The following HOXB3 variants were observed in gnomAD, a reference collection of about 807,000 sequenced individuals.
The protein encoded by HOXB3 is homeobox protein Hox-B3.
A neutral mutation model predicts 29.2 loss-of-function variants in HOXB3; 17 were observed. The observed-to-expected ratio is 0.58, with a 90% confidence interval of 0.40 to 0.87. HOXB3 has a LOEUF of 0.87. HOXB3 is among the 40% of genes least tolerant of loss of function. The pLI is 0.00. For missense variants in HOXB3, 637 were observed against 616.3 expected (o/e 1.03, Z -0.35); for synonymous variants, 317 against 285.9 (o/e 1.11, Z -1.10).
intron 2 of HOXB3, among the ~76,000 whole-genome samples, chr17:48,559,198 A>G (rs4793580): frequency 0.78 from 118,520 of 151,946 alleles, 46,868 homozygotes; most frequent in Non-Finnish European, 0.85. Context: ...ACCCTCTGGA[A>G]CAATCAAGGG....
rs563175314 is a variant in HOXB3, at chr17:48,571,146, G to T, written c.-247+2691C>A. On this transcript the variant is annotated intron_variant, in intron 2 of 4. Transcript: ENST00000498678. ...ATAAACAAGCGCCTGATCGCGAGCC[G>T]AGCACTTTCTTGCTGCCGATAAAGC... Among the ~76,000 whole-genome samples the T allele has an allele frequency of 2.0e-5, 3 of 152,324 alleles. No homozygotes were observed. The East Asian group carries it at 5.8e-4, about 29-fold the overall frequency.
intron 2 of HOXB3, chr17:48,559,949 T>C (rs771945499): frequency 7.2e-5 from 11 of 152,294 alleles, no homozygotes; most frequent in Non-Finnish European, 1.5e-4. Context: ...AACATGCTAA[T>C]GAGGGGATGG....
At chr17:48,551,219 G>C in intron 4 of HOXB3, 38 bp from the exon 5 acceptor site, 1 of 1,274,160 alleles carries the variant, frequency 7.8e-7, no homozygotes, top group Non-Finnish European at 9.9e-7. Context: ...GGGAGAAAAT[G>C]AAATAAAAGA....
chr17:48,574,145 GA>G (rs2069679051), intron 1 of HOXB3, 131 bp from the exon 2 acceptor site: 1 of 419,642 alleles, frequency 2.4e-6, no homozygotes, highest in African/African-American at 2.1e-5. Context: ...AAGCTCCATA[GA>G]AATCTTTTTT....
intron 1 of HOXB3, chr17:48,578,181 T>G: frequency 5.0e-6 from 8 of 1,611,944 alleles, no homozygotes; most frequent in Non-Finnish European, 6.8e-6. Flanking sequence ...GGCTGGAAGC[T>G]GCTCTCTCGC....
chr17:48,572,405 C>T (rs1567960149), intron 2 of HOXB3, among the ~76,000 whole-genome samples: 2 of 152,206 alleles, frequency 1.3e-5, no homozygotes, highest in Non-Finnish European at 2.9e-5. Flanking sequence ...GAGATGACAG[C>T]CTCTGAAGCA....
At chr17:48,588,212 G>A (rs1194976433) in intron 1 of HOXB3, among the ~76,000 whole-genome samples, 4 of 152,212 alleles carry the variant, frequency 2.6e-5, no homozygotes, top group African/African-American at 9.7e-5. Flanking sequence ...AGCTCAGGGA[G>A]CCTGAAGTGG....
chr17:48,552,528 A>G lies in HOXB3; in HGVS notation c.-54T>C. The G allele has an allele frequency of 7.1e-7, 1 of 1,416,692 alleles. No homozygotes were observed. The highest frequency in any genetic ancestry group is 1.4e-5 in the South Asian group (1 of 72,532). The allele number at this position is 1,416,692 out of a possible 1,614,324, so 87.8% of individuals were successfully genotyped here. ...CAACTTGGAAAGGCCTGATACCCTC[A>G]GGACCGGACATTGGCAACCCTGGGG... On this transcript the variant is annotated 5_prime_UTR_variant, in exon 4 of 5. Transcript: ENST00000498678.
At position 48,554,328 on chromosome 17, in the gene HOXB3, C is replaced by G; in HGVS notation, c.-159+1203G>C. On this transcript the variant is annotated intron_variant, in intron 3 of 4. Coordinates refer to ENST00000498678, the MANE Select transcript of HOXB3 (RefSeq NM_001384749.1). This position sits in a 1 kb window ranked among gnomAD's most constrained non-coding sequence, Gnocchi z 4.1. ...GCTTTATTTAGTCTGATTGTTACAG[C>G]AATAATAATGATGACGATGATGATG... The G allele has an allele frequency of 2.8e-6, 1 of 351,194 alleles. No individual in the cohort carries two copies. Among genetic ancestry groups the G allele is most frequent in the South Asian group, 3.6e-5 (1 of 27,826 alleles). 21.8% of individuals were successfully genotyped at this position (351,194 alleles called of 1,614,324 possible). A position where few individuals can be genotyped will look rare whatever the true frequency, so the allele number is the denominator to read the frequency against.
At chr17:48,570,827 C>T (rs193037014) in intron 2 of HOXB3, among the ~76,000 whole-genome samples, 66 of 152,280 alleles carry the variant, frequency 4.3e-4, no homozygotes, top group African/African-American at 1.4e-3. Context: ...AGCCTGATCC[C>T]GATGTGGGCC....
intron 1 of HOXB3, among the ~76,000 whole-genome samples, chr17:48,586,525 C>A (rs1271232676): frequency 2.6e-5 from 4 of 152,180 alleles, no homozygotes; most frequent in African/African-American, 4.8e-5. Context: ...GCTGCTGCCC[C>A]CGTCTGCTGA....
intron 2 of HOXB3, among the ~76,000 whole-genome samples, chr17:48,569,413 AC>A (rs2069508145): frequency 7.5e-6 from 1 of 133,328 alleles, no homozygotes; most frequent in Admixed American, 7.9e-5. Context: ...ACACACACTT[AC>A]CCACAGCCCA....
At chr17:48,565,657 C>T (rs902267641) in intron 2 of HOXB3, among the ~76,000 whole-genome samples, 1 of 152,262 alleles carries the variant, frequency 6.6e-6, no homozygotes, top group South Asian at 2.1e-4. Flanking sequence ...TGAGTCTCTT[C>T]TTCCCTTTCC....
intron 1 of HOXB3, among the ~76,000 whole-genome samples, chr17:48,587,369 G>T (rs779623047): frequency 6.6e-6 from 1 of 152,114 alleles, no homozygotes. Context: ...AATGGGGAGG[G>T]TTACCAGTAT....
At chr17:48,576,683 C>T in intron 1 of HOXB3, 2 of 1,517,874 alleles carry the variant, frequency 1.3e-6, no homozygotes, top group Non-Finnish European at 1.8e-6. Context: ...TCACTGCCCA[C>T]CCCCACCCCG....
intron 1 of HOXB3, chr17:48,578,245 C>T (rs766871090): frequency 2.5e-5 from 40 of 1,613,936 alleles, no homozygotes; most frequent in Non-Finnish European, 3.2e-5. Flanking sequence ...GGTAATCGCT[C>T]TGTGAATATT....
At position 48,573,934 on chromosome 17, in the gene HOXB3, G is replaced by T; in HGVS notation, c.-344C>A. 1 of 696,816 alleles carries T rather than the reference G, an allele frequency of 1.4e-6. No homozygotes were observed. The highest frequency in any genetic ancestry group is 2.6e-6 in the Non-Finnish European group (1 of 383,294). The allele number at this position is 696,816 out of a possible 1,614,324, so 43.2% of individuals were successfully genotyped here. ...AGAGAAAAAAGTTTTCAACTTTATGGTTCCAAATTTTTTCCCCCTTGCAGA... is the reference window on the plus strand; with the variant it reads ...AGAGAAAAAAGTTTTCAACTTTATGTTTCCAAATTTTTTCCCCCTTGCAGA... On this transcript the variant is annotated 5_prime_UTR_variant, in exon 2 of 5. Coordinates refer to ENST00000498678, the MANE Select transcript of HOXB3 (RefSeq NM_001384749.1).
intron 2 of HOXB3, among the ~76,000 whole-genome samples, chr17:48,558,650 G>A (rs2069086438): frequency 6.6e-6 from 1 of 152,250 alleles, no homozygotes; most frequent in East Asian, 1.9e-4. Context: ...GCCCCTGTTT[G>A]GACTGAGGTG....
At chr17:48,589,408 G>T (rs1034720851) in intron 1 of HOXB3, among the ~76,000 whole-genome samples, 2 of 152,004 alleles carry the variant, frequency 1.3e-5, no homozygotes, top group African/African-American at 4.8e-5. Context: ...GTTTTGAATT[G>T]GGGGAATTGC....
Sources: gnomAD v4.1 joint callset for allele counts (sites outside exome capture counted in the v4.1 genomes callset) on GRCh38, gnomAD v4.1.1 for gene constraint, Gnocchi (gnomAD v3.1) non-coding constraint, MANE v1.5 for transcripts, NCBI Gene and HGNC (gene_info 2026-07-23, HGNC 2026-07-21) for gene names.